The following THEMIS variants were observed in gnomAD, a reference collection of about 807,000 sequenced individuals.
THEMIS encodes the protein protein THEMIS.
A neutral mutation model predicts 52.6 loss-of-function variants in THEMIS; 37 were observed. That is an observed-to-expected ratio of 0.70 (90% confidence interval 0.54 to 0.93). The LOEUF is 0.93. Among genes scored for constraint, THEMIS ranks in the 40% least tolerant of loss-of-function variants. The pLI, the probability that THEMIS is intolerant of heterozygous loss-of-function variation, is 0.00. For synonymous variants in THEMIS, 292 were observed against 272.7 expected, an observed-to-expected ratio of 1.07 and a Z score of -0.70; for missense variants, 808 against 763.1, an observed-to-expected ratio of 1.06 and a Z score of -0.69.
chr6:127,818,923 T>A (rs1237369378), intron 3 of THEMIS, among the ~76,000 whole-genome samples: 2 of 151,332 alleles, frequency 1.3e-5, no homozygotes, highest in African/African-American at 2.4e-5. Context: ...ATCGAGACCA[T>A]CCTGGCTAAC....
chr6:127,858,021 G>C (rs1036431583), intron 1 of THEMIS, among the ~76,000 whole-genome samples: 12 of 151,986 alleles, frequency 7.9e-5, no homozygotes, highest in Non-Finnish European at 1.6e-4. Context: ...AAGTCTGTTG[G>C]GCTTAATTTC....
At chr6:127,894,816 T>C (rs956731208) in intron 1 of THEMIS, among the ~76,000 whole-genome samples, 13 of 151,384 alleles carry the variant, frequency 8.6e-5, no homozygotes, top group Non-Finnish European at 1.6e-4. Flanking sequence ...AATAGCAAAA[T>C]TTATGTAACT....
chr6:127,703,269 G>A (rs1033853499), downstream of THEMIS, among the ~76,000 whole-genome samples: 3 of 151,770 alleles, frequency 2.0e-5, no homozygotes, highest in African/African-American at 4.8e-5. Flanking sequence ...GGATGGTCTC[G>A]ATCTCCTGAC....
intron 4 of THEMIS, among the ~76,000 whole-genome samples, chr6:127,792,515 T>G (rs1432035953): frequency 2.0e-5 from 3 of 152,192 alleles, no homozygotes; most frequent in African/African-American, 7.2e-5. Flanking sequence ...ATTTTAAAAT[T>G]TTGTAATATG....
intron 3 of THEMIS, among the ~76,000 whole-genome samples, chr6:127,825,565 A>C (rs1056328699): frequency 6.6e-6 from 1 of 152,192 alleles, no homozygotes; most frequent in Non-Finnish European, 1.5e-5. Context: ...AATTGGAAGA[A>C]AGTCAAGATA....
At chr6:127,771,601 A>G (rs1044500991) in intron 4 of THEMIS, among the ~76,000 whole-genome samples, 7 of 152,230 alleles carry the variant, frequency 4.6e-5, no homozygotes, top group Non-Finnish European at 1.0e-4. Flanking sequence ...AGCCTCAGAA[A>G]TAACACCACA....
At chr6:127,779,032 T>A (rs1293271956) in intron 4 of THEMIS, among the ~76,000 whole-genome samples, 1 of 152,050 alleles carries the variant, frequency 6.6e-6, no homozygotes, top group Non-Finnish European at 1.5e-5. Context: ...ACATTATCTC[T>A]CTCCTGAGAA....
intron 5 of THEMIS, among the ~76,000 whole-genome samples, chr6:127,715,742 A>G (rs556940489): frequency 6.6e-6 from 1 of 151,852 alleles, no homozygotes; most frequent in Non-Finnish European, 1.5e-5. Context: ...AGGATCTTAG[A>G]CAGGGTGAAT....
intron 1 of THEMIS, among the ~76,000 whole-genome samples, chr6:127,868,271 A>T (rs1780046517): frequency 6.6e-6 from 1 of 152,178 alleles, no homozygotes; most frequent in Non-Finnish European, 1.5e-5. Context: ...AAGACTGAAT[A>T]ATCCAGTGTA....
intron 4 of THEMIS, among the ~76,000 whole-genome samples, chr6:127,800,985 G>T (rs555915128): frequency 1.3e-5 from 2 of 152,122 alleles, no homozygotes; most frequent in African/African-American, 4.8e-5. Flanking sequence ...AAGTTCTTTC[G>T]TTGGTTTTGG....
chr6:127,698,781 C>T, the THEMIS span, among the ~76,000 whole-genome samples: 1 of 151,846 alleles, frequency 6.6e-6, no homozygotes, highest in Non-Finnish European at 1.5e-5. Context: ...AATTTCTCTA[C>T]TAAGTTATTA....
At chr6:127,916,556 T>G (rs1363063704) in intron 1 of THEMIS, among the ~76,000 whole-genome samples, 2 of 152,198 alleles carry the variant, frequency 1.3e-5, no homozygotes, top group Non-Finnish European at 2.9e-5. Context: ...GTATCCTTTC[T>G]GTGGGAAACT....
At chr6:127,828,653 T>C (rs1040425556) in intron 3 of THEMIS, among the ~76,000 whole-genome samples, 2 of 152,270 alleles carry the variant, frequency 1.3e-5, no homozygotes, top group Middle Eastern at 6.8e-3. Context: ...TCTATGAAGA[T>C]TGCATATTAA....
At chr6:127,702,725 G>A in the THEMIS span, among the ~76,000 whole-genome samples, 90 of 152,076 alleles carry the variant, frequency 5.9e-4, no homozygotes, top group African/African-American at 2.0e-3. Flanking sequence ...TGGTTTATTG[G>A]ATTTACAGTT....
intron 2 of THEMIS, among the ~76,000 whole-genome samples, chr6:127,840,444 T>C (rs1779008907): frequency 1.3e-5 from 2 of 152,244 alleles, no homozygotes; most frequent in South Asian, 4.1e-4. Flanking sequence ...TACAATGTAC[T>C]GGAAAACAAC....
intron 4 of THEMIS, among the ~76,000 whole-genome samples, chr6:127,751,911 A>T (rs1194709707): frequency 1.3e-5 from 2 of 151,716 alleles, no homozygotes; most frequent in East Asian, 3.8e-4. Context: ...TCACAATCAC[A>T]CATGTATCAT....
chr6:127,897,926 A>G (rs1315426033), intron 1 of THEMIS, among the ~76,000 whole-genome samples: 1 of 151,594 alleles, frequency 6.6e-6, no homozygotes, highest in African/African-American at 2.4e-5. Context: ...ATATTCATCT[A>G]ATGGAATAAC....
intron 3 of THEMIS, among the ~76,000 whole-genome samples, chr6:127,828,299 A>G (rs1778577720): frequency 1.3e-5 from 2 of 152,202 alleles, no homozygotes; most frequent in African/African-American, 2.4e-5. Context: ...AGAAATCTCA[A>G]TTACTCATCT....
intron 4 of THEMIS, among the ~76,000 whole-genome samples, chr6:127,753,317 G>A (rs1413751036): frequency 6.6e-6 from 1 of 151,874 alleles, no homozygotes; most frequent in Non-Finnish European, 1.5e-5. Context: ...TAAATACGTG[G>A]ATACAAAATC....
Sources: gnomAD v4.1 joint callset for allele counts (sites outside exome capture counted in the v4.1 genomes callset) on GRCh38, gnomAD v4.1.1 for gene constraint, MANE v1.5 for transcripts, NCBI Gene and HGNC (gene_info 2026-07-23, HGNC 2026-07-21) for gene names.